STX8: variants seen among roughly 807,000 people sequenced by gnomAD.
The protein encoded by STX8 is syntaxin 8.
A neutral mutation model predicts 37.5 loss-of-function variants in STX8; 23 were observed. The ratio of observed to expected loss-of-function variants is 0.61; its 90% CI spans 0.44 to 0.87. STX8 has a LOEUF of 0.87. Ranked by LOEUF, STX8 falls within the 40% of genes least tolerant of loss-of-function variation. STX8 has a pLI of 0.00. For synonymous variants in STX8, 115 were observed against 99.1 expected (o/e 1.16, Z -0.95); for missense variants, 313 against 284.7 (o/e 1.10, Z -0.71).
At chr17:9,409,385 C>G (rs1912907789) in intron 6 of STX8, among the ~76,000 whole-genome samples, 1 of 152,034 alleles carries the variant, frequency 6.6e-6, no homozygotes, top group Non-Finnish European at 1.5e-5. Context: ...GGCACTGATT[C>G]CAGGACACTC....
chr17:9,370,146 C>T (rs1911359429), intron 7 of STX8, among the ~76,000 whole-genome samples: 1 of 150,780 alleles, frequency 6.6e-6, no homozygotes, highest in African/African-American at 2.4e-5. Context: ...ACTCAGGAGG[C>T]GGAGGTTGCA....
intron 6 of STX8, among the ~76,000 whole-genome samples, chr17:9,400,006 T>C (rs534944412): frequency 1.9e-4 from 29 of 152,084 alleles, no homozygotes; most frequent in Non-Finnish European, 2.5e-4. Context: ...AAATTTATGA[T>C]CCAGTTGAGT....
At chr17:9,420,094 C>T (rs1410316722) in intron 6 of STX8, among the ~76,000 whole-genome samples, 3 of 152,176 alleles carry the variant, frequency 2.0e-5, no homozygotes, top group Non-Finnish European at 2.9e-5. Context: ...GTCTCTCTTA[C>T]AACATTCTTG....
chr17:9,347,137 T>TA (rs1336428656), intron 7 of STX8, among the ~76,000 whole-genome samples: 88 of 137,666 alleles, frequency 6.4e-4, no homozygotes, highest in East Asian at 4.3e-3. Flanking sequence ...CTCAAAAAAA[T>TA]AAAAAAATAA....
chr17:9,316,348 G>A (rs1332520405), intron 7 of STX8, among the ~76,000 whole-genome samples: 1 of 152,072 alleles, frequency 6.6e-6, no homozygotes, highest in Non-Finnish European at 1.5e-5. Context: ...GCATCAGGAT[G>A]GGGGAACAGA....
chr17:9,283,466 G>A (rs1325676106), intron 7 of STX8, among the ~76,000 whole-genome samples: 1 of 152,168 alleles, frequency 6.6e-6, no homozygotes, highest in Non-Finnish European at 1.5e-5. Context: ...ACTGAACCTG[G>A]GAGGCAGAGG....
chr17:9,381,536 T>G (rs77178978), intron 6 of STX8, among the ~76,000 whole-genome samples: 14,190 of 152,298 alleles, frequency 0.093, 868 homozygotes, highest in Middle Eastern at 0.17. Flanking sequence ...CTCTTATTTA[T>G]AGACCGTATA....
At chr17:9,500,191 G>A (rs1450344018) in intron 5 of STX8, among the ~76,000 whole-genome samples, 7 of 152,160 alleles carry the variant, frequency 4.6e-5, no homozygotes, top group Admixed American at 6.5e-5. Context: ...AAGGGAATTC[G>A]AAATAGAATC....
intron 4 of STX8, among the ~76,000 whole-genome samples, chr17:9,525,952 C>G (rs988378030): frequency 2.6e-5 from 4 of 152,216 alleles, no homozygotes; most frequent in African/African-American, 9.6e-5. Flanking sequence ...AGTTAAAACT[C>G]AAACCCTGGT....
intron 7 of STX8, among the ~76,000 whole-genome samples, chr17:9,366,099 G>A (rs1021471688): frequency 4.6e-5 from 7 of 152,286 alleles, no homozygotes; most frequent in South Asian, 2.1e-4. Flanking sequence ...CATTTTCCAC[G>A]CCTCTCAGCA....
At chr17:9,324,122 T>TCA (rs1457899812) in intron 7 of STX8, among the ~76,000 whole-genome samples, 9 of 132,802 alleles carry the variant, frequency 6.8e-5, no homozygotes, top group African/African-American at 2.6e-4. Context: ...TCTCTCTCTC[T>TCA]CTCTCACACA....
chr17:9,280,946 A>G (rs1295496260), intron 7 of STX8, among the ~76,000 whole-genome samples: 1 of 152,208 alleles, frequency 6.6e-6, no homozygotes. Flanking sequence ...TGTTGGATGC[A>G]GAGTTGTGTG....
intron 7 of STX8, among the ~76,000 whole-genome samples, chr17:9,285,683 C>A (rs1400063075): frequency 6.6e-6 from 1 of 152,178 alleles, no homozygotes; most frequent in East Asian, 1.9e-4. Context: ...TACAAAAAGG[C>A]AAAACATCTT....
chr17:9,478,444 C>T lies in STX8; in HGVS notation c.541+13385G>A, dbSNP rs183484249. Among the ~76,000 whole-genome samples the T allele has an allele frequency of 1.6e-4, 24 of 152,198 alleles. No individual in the cohort carries two copies. The East Asian group carries it at 3.7e-3, about 23-fold the overall frequency. ...AGCCACTGCGCCCAGCCCTGAAATGCTATTTGAAGGCCGACTTACGGTCTT... is the reference window on the plus strand; with the variant it reads ...AGCCACTGCGCCCAGCCCTGAAATGTTATTTGAAGGCCGACTTACGGTCTT... On this transcript the variant is annotated intron_variant, in intron 6 of 7. Transcript: ENST00000306357.
chr17:9,521,704 C>T (rs961973200), intron 4 of STX8, among the ~76,000 whole-genome samples: 5 of 152,296 alleles, frequency 3.3e-5, no homozygotes, highest in East Asian at 1.9e-4. Context: ...GGAGCTAATA[C>T]TCAAGGGACA....
At chr17:9,561,023 GA>G in intron 2 of STX8, among the ~76,000 whole-genome samples, 1 of 151,820 alleles carries the variant, frequency 6.6e-6, no homozygotes, top group South Asian at 2.1e-4. Context: ...AACAAATGGG[GA>G]AAAAATAAAA....
Position 9,535,424 on chromosome 17 carries a change from C to CTTTTTTTTTTTTTTTTT in STX8, c.323+9731_323+9747dup, listed in dbSNP as rs35962202. Among the ~76,000 whole-genome samples the CTTTTTTTTTTTTTTTTT allele has an allele frequency of 6.1e-3, 317 of 51,564 alleles. 61 individuals are homozygous for CTTTTTTTTTTTTTTTTT. The highest frequency in any genetic ancestry group is 7.0e-3 in the African/African-American group (95 of 13,612). 33.8% of individuals were successfully genotyped at this position (51,564 alleles called of 152,430 possible). ...CATACCCTCTGACCCAGCCATCCTA[C>CTTTTTTTTTTTTTTTTT]TTTTTTTTTTTTTTTTTTTTTTTTT... On this transcript the variant is annotated intron_variant, in intron 4 of 7. Transcript: ENST00000306357.
intron 2 of STX8, among the ~76,000 whole-genome samples, chr17:9,562,611 A>AT (rs1907290612): frequency 9.4e-5 from 2 of 21,338 alleles, no homozygotes; most frequent in African/African-American, 1.8e-4. Context: ...GAAAAAAAAA[A>AT]AAATATATAT....
At chr17:9,455,919 T>G (rs1434089861) in intron 6 of STX8, among the ~76,000 whole-genome samples, 4 of 152,136 alleles carry the variant, frequency 2.6e-5, no homozygotes, top group African/African-American at 9.7e-5. Flanking sequence ...TTCTGACCAT[T>G]TCTCATATGC....
Sources: allele counts gnomAD v4.1 joint callset (sites outside exome capture counted in the v4.1 genomes callset), GRCh38; gene constraint gnomAD v4.1.1; transcripts MANE v1.5; gene names NCBI Gene and HGNC (gene_info 2026-07-23, HGNC 2026-07-21).